ADGRB3: variants seen among roughly 807,000 people sequenced by gnomAD.
The protein encoded by ADGRB3 is adhesion G protein-coupled receptor B3.
In ADGRB3, 37 loss-of-function variants were observed where a neutral mutation model predicts 193.4. The ratio of observed to expected loss-of-function variants is 0.19; its 90% CI spans 0.15 to 0.25. The LOEUF is 0.25. Among genes scored for constraint, ADGRB3 ranks in the 10% least tolerant of loss-of-function variants. The pLI, the probability that ADGRB3 is intolerant of heterozygous loss-of-function variation, is 1.00. For synonymous variants in ADGRB3, 690 were observed against 644.2 expected, an observed-to-expected ratio of 1.07 and a Z score of -1.08; for missense variants, 1,637 against 1,852.9, an observed-to-expected ratio of 0.88 and a Z score of 2.14.
intron 3 of ADGRB3, among the ~76,000 whole-genome samples, chr6:68,716,344 T>C (rs1765489223): frequency 6.6e-6 from 1 of 151,726 alleles, no homozygotes; most frequent in Non-Finnish European, 1.5e-5. Flanking sequence ...AAAGATTGAA[T>C]TGTTATTATC....
intron 17 of ADGRB3, among the ~76,000 whole-genome samples, chr6:69,189,110 A>G (rs1765130939): frequency 6.6e-6 from 1 of 152,224 alleles, no homozygotes; most frequent in Admixed American, 6.5e-5. Flanking sequence ...CACTATGTGT[A>G]CTTTCCAAAC....
chr6:68,642,806 T>TAA (rs1175461149), intron 3 of ADGRB3, among the ~76,000 whole-genome samples: 3 of 144,978 alleles, frequency 2.1e-5, no homozygotes, highest in South Asian at 2.2e-4. Context: ...GGCTATAACT[T>TAA]AAAAAAAAAA....
chr6:69,324,284 A>G (rs1768521923), intron 20 of ADGRB3, among the ~76,000 whole-genome samples: 1 of 152,178 alleles, frequency 6.6e-6, no homozygotes, highest in African/African-American at 2.4e-5. Context: ...GAAGCATTGT[A>G]TTAAGTACTT....
At chr6:69,274,333 A>G (rs1242546446) in intron 20 of ADGRB3, among the ~76,000 whole-genome samples, 1 of 152,202 alleles carries the variant, frequency 6.6e-6, no homozygotes, top group Non-Finnish European at 1.5e-5. Flanking sequence ...CTTACCTTTC[A>G]GTGTTCATGC....
intron 3 of ADGRB3, among the ~76,000 whole-genome samples, chr6:68,701,397 C>A (rs929178103): frequency 1.3e-5 from 2 of 152,158 alleles, no homozygotes; most frequent in Non-Finnish European, 2.9e-5. Context: ...ATTAGTCAGG[C>A]CTTCTTCCTC....
intron 3 of ADGRB3, among the ~76,000 whole-genome samples, chr6:68,707,861 GA>G (rs1469271541): frequency 6.6e-6 from 1 of 152,110 alleles, no homozygotes; most frequent in Non-Finnish European, 1.5e-5. Flanking sequence ...CTAACACAAG[GA>G]AGGACAATTA....
At chr6:69,323,499 G>T (rs1436223907) in intron 20 of ADGRB3, among the ~76,000 whole-genome samples, 1 of 152,058 alleles carries the variant, frequency 6.6e-6, no homozygotes, top group Non-Finnish European at 1.5e-5. Context: ...AAGTTTTCAA[G>T]TATTCCATGA....
chr6:68,843,086 G>GA (rs1489459011), intron 3 of ADGRB3, among the ~76,000 whole-genome samples: 1 of 151,490 alleles, frequency 6.6e-6, no homozygotes, highest in East Asian at 1.9e-4. Context: ...ACTGAATGGG[G>GA]AAAAACTGAA....
At chr6:68,916,714 T>G (rs1290506999) in intron 3 of ADGRB3, among the ~76,000 whole-genome samples, 1 of 152,078 alleles carries the variant, frequency 6.6e-6, no homozygotes, top group East Asian at 1.9e-4. Context: ...CAAGCACAAT[T>G]AGTTTTTCAG....
intron 17 of ADGRB3, among the ~76,000 whole-genome samples, chr6:69,168,128 C>A (rs1775176715): frequency 6.6e-6 from 1 of 152,062 alleles, no homozygotes; most frequent in Non-Finnish European, 1.5e-5. Context: ...AACTATGTAA[C>A]CTGAAATTCT....
intron 17 of ADGRB3, among the ~76,000 whole-genome samples, chr6:69,108,851 G>T (rs552785736): frequency 6.6e-6 from 1 of 152,196 alleles, no homozygotes; most frequent in East Asian, 1.9e-4. Flanking sequence ...AAATGTATTG[G>T]GCCTCATTTA....
intron 17 of ADGRB3, among the ~76,000 whole-genome samples, chr6:69,195,599 C>T (rs1018425250): frequency 1.3e-5 from 2 of 150,340 alleles, no homozygotes; most frequent in African/African-American, 4.9e-5. Context: ...CTGATTTTTA[C>T]CATTATATTC....
chr6:68,986,420 T>C (rs1769079018), intron 10 of ADGRB3, among the ~76,000 whole-genome samples: 1 of 152,196 alleles, frequency 6.6e-6, no homozygotes, highest in African/African-American at 2.4e-5. Flanking sequence ...CAGACAATGA[T>C]TTTATTTTCA....
chr6:68,863,197 T>G lies in ADGRB3; in HGVS notation c.758-67362T>G, dbSNP rs74541209. ...AAGGAGTAGTTTCCTTTTCATTAAT[T>G]TTAGCACTCTATTTGCCATCTATTT... is the stretch of plus-strand genomic sequence containing the variant. On this transcript the variant is annotated intron_variant, in intron 3 of 31. Coordinates refer to ENST00000370598, the MANE Select transcript of ADGRB3 (RefSeq NM_001704.3). 1.3e-4 allele frequency among the ~76,000 whole-genome samples: 20 copies of G among 152,228 alleles called. No individual in the cohort carries two copies. In the East Asian group the frequency reaches 3.9e-3, roughly 29 times the overall value.
At chr6:68,897,856 CAAAA>C (rs1410264777) in intron 3 of ADGRB3, among the ~76,000 whole-genome samples, 2 of 133,016 alleles carry the variant, frequency 1.5e-5, no homozygotes, top group Admixed American at 7.4e-5. Flanking sequence ...AAGAAGAAAA[CAAAA>C]GAAAAAAGAA....
At chr6:68,699,086 C>T (rs1765200917) in intron 3 of ADGRB3, among the ~76,000 whole-genome samples, 1 of 151,892 alleles carries the variant, frequency 6.6e-6, no homozygotes, top group African/African-American at 2.4e-5. Flanking sequence ...AAAACATTCC[C>T]TTAGCTTCTA....
chr6:68,882,848 AG>A (rs1765769769), intron 3 of ADGRB3, among the ~76,000 whole-genome samples: 1 of 152,156 alleles, frequency 6.6e-6, no homozygotes, highest in Non-Finnish European at 1.5e-5. Flanking sequence ...CAACTAGGTA[AG>A]CACATAGTCC....
At chr6:69,274,337 T>C (rs759474146) in intron 20 of ADGRB3, among the ~76,000 whole-genome samples, 5 of 152,184 alleles carry the variant, frequency 3.3e-5, no homozygotes, top group Non-Finnish European at 4.4e-5. Context: ...CCTTTCAGTG[T>C]TCATGCCAAG....
At chr6:68,796,047 A>C (rs1389456324) in intron 3 of ADGRB3, among the ~76,000 whole-genome samples, 1 of 152,174 alleles carries the variant, frequency 6.6e-6, no homozygotes, top group African/African-American at 2.4e-5. Context: ...TTGATGTGAA[A>C]GAACAAAAAA....
Sources: gnomAD v4.1 joint callset for allele counts (sites outside exome capture counted in the v4.1 genomes callset) on GRCh38, gnomAD v4.1.1 for gene constraint, MANE v1.5 for transcripts, NCBI Gene and HGNC (gene_info 2026-07-23, HGNC 2026-07-21) for gene names.